The following CFAP299 variants were observed in gnomAD, a reference collection of about 807,000 sequenced individuals.
The protein encoded by CFAP299 is cilia- and flagella-associated protein 299.
Under a neutral mutation model 27.0 loss-of-function variants are expected in CFAP299, and 21 were observed. The ratio of observed to expected loss-of-function variants is 0.78; its 90% CI spans 0.55 to 1.12. The LOEUF (loss-of-function observed/expected upper bound fraction) is 1.12, where lower values mean the gene tolerates loss of function less well. CFAP299 is among the 50% of genes most tolerant of loss of function. The probability of loss-of-function intolerance (pLI) is 0.00; values close to 1 mark genes in which losing one functional copy is unlikely to be tolerated. For synonymous variants in CFAP299, 104 were observed against 98.1 expected, an observed-to-expected ratio of 1.06 and a Z score of -0.36; for missense variants, 310 against 276.6, an observed-to-expected ratio of 1.12 and a Z score of -0.86.
intron 4 of CFAP299, among the ~76,000 whole-genome samples, chr4:80,942,150 T>C (rs1266022287): frequency 3.3e-5 from 5 of 152,218 alleles, no homozygotes; most frequent in Non-Finnish European, 5.9e-5. Context: ...GCGGCTACAC[T>C]GCAAGAGAGA....
At chr4:80,651,468 T>G (rs1366203659) in intron 3 of CFAP299, among the ~76,000 whole-genome samples, 3 of 151,300 alleles carry the variant, frequency 2.0e-5, no homozygotes, top group Non-Finnish European at 2.9e-5. Flanking sequence ...TGGGTTTAAG[T>G]GATCCTCCCA....
chr4:80,410,452 T>A (rs1726665515), intron 2 of CFAP299, among the ~76,000 whole-genome samples: 1 of 152,096 alleles, frequency 6.6e-6, no homozygotes, highest in South Asian at 2.1e-4. Context: ...TAGAAGATAG[T>A]CAATTGGGAC....
intron 2 of CFAP299, among the ~76,000 whole-genome samples, chr4:80,421,114 G>T (rs1331802444): frequency 6.6e-6 from 1 of 152,064 alleles, no homozygotes; most frequent in African/African-American, 2.4e-5. Context: ...TAGCCCAGCT[G>T]AAACACTTCA....
At chr4:80,387,977 T>C in intron 2 of CFAP299, 1 of 740,386 alleles carries the variant, frequency 1.4e-6, no homozygotes, top group Non-Finnish European at 2.4e-6. Context: ...GGGGGTGGGG[T>C]ATACTGGAGC....
In CFAP299 at chr4:80,739,753, C is replaced by T. The variant is rs576340040; in HGVS notation, c.334-130240C>T. 1.3e-3 allele frequency among the ~76,000 whole-genome samples: 194 copies of T among 151,650 alleles called. 1 individual carries two copies. Among genetic ancestry groups the T allele is most frequent in the Middle Eastern group, 3.4e-3 (1 of 294 alleles). On this transcript the variant is annotated intron_variant, in intron 3 of 5. Coordinates refer to ENST00000358105, the MANE Select transcript of CFAP299 (RefSeq NM_152770.3). ...TAGGTTAGAGAAGTTCTCTGTTATC[C>T]TTTAAAAAAAAACTTTCTACCCCTA... is the stretch of plus-strand genomic sequence containing the variant.
chr4:80,563,925 T>G (rs1020434489), intron 2 of CFAP299, among the ~76,000 whole-genome samples: 1 of 151,528 alleles, frequency 6.6e-6, no homozygotes, highest in African/African-American at 2.4e-5. Flanking sequence ...CAACTATGAG[T>G]TGGAAAATCT....
At chr4:80,597,333 A>G (rs928689137) in intron 3 of CFAP299, among the ~76,000 whole-genome samples, 19 of 152,146 alleles carry the variant, frequency 1.2e-4, no homozygotes, top group Non-Finnish European at 1.8e-4. Flanking sequence ...AGGGTCATCC[A>G]TGTGTTTATT....
chr4:80,513,912 C>CCTTA (rs1384998101), intron 2 of CFAP299, among the ~76,000 whole-genome samples: 8 of 151,850 alleles, frequency 5.3e-5, no homozygotes, highest in Admixed American at 3.9e-4. Flanking sequence ...AAGTGAGAGA[C>CCTTA]CTTAACCCAT....
chr4:80,901,270 C>G (rs1412800317), intron 4 of CFAP299, among the ~76,000 whole-genome samples: 1 of 152,148 alleles, frequency 6.6e-6, no homozygotes, highest in Non-Finnish European at 1.5e-5. Flanking sequence ...TGTGCACATA[C>G]ACCTATTACA....
At chr4:80,559,497 C>T (rs957092355) in intron 2 of CFAP299, among the ~76,000 whole-genome samples, 17 of 152,114 alleles carry the variant, frequency 1.1e-4, no homozygotes, top group African/African-American at 3.6e-4. Context: ...AGAAAAAAAG[C>T]GCCTGTGTAA....
At chr4:80,493,279 G>T (rs1190489699) in intron 2 of CFAP299, among the ~76,000 whole-genome samples, 1 of 152,150 alleles carries the variant, frequency 6.6e-6, no homozygotes. Flanking sequence ...CTGTAGAAGG[G>T]TGCACACTCA....
At chr4:80,543,593 C>T (rs145241925) in intron 2 of CFAP299, among the ~76,000 whole-genome samples, 11 of 152,264 alleles carry the variant, frequency 7.2e-5, no homozygotes, top group East Asian at 1.9e-4. Flanking sequence ...ACCAAACCGA[C>T]GAAAGAATCT....
intron 2 of CFAP299, among the ~76,000 whole-genome samples, chr4:80,530,475 G>GCTTTTCAT (rs1299213383): frequency 6.6e-6 from 1 of 151,906 alleles, no homozygotes; most frequent in East Asian, 1.9e-4. Context: ...TAACTGTAAG[G>GCTTTTCAT]CTTTTCATCT....
At chr4:80,800,405 ATT>A (rs1491368653) in intron 3 of CFAP299, among the ~76,000 whole-genome samples, 4 of 62,192 alleles carry the variant, frequency 6.4e-5, no homozygotes, top group South Asian at 5.5e-4. Flanking sequence ...TATAATATAT[ATT>A]GATATATTAA....
chr4:80,525,244 C>T (rs559599941), intron 2 of CFAP299, among the ~76,000 whole-genome samples: 10 of 152,244 alleles, frequency 6.6e-5, no homozygotes, highest in Admixed American at 2.0e-4. Context: ...TACCTGCACT[C>T]AAGGGAAGAG....
At chr4:80,425,267 G>T (rs1006194079) in intron 2 of CFAP299, among the ~76,000 whole-genome samples, 7 of 152,020 alleles carry the variant, frequency 4.6e-5, no homozygotes, top group African/African-American at 1.7e-4. Context: ...CTTTCACATG[G>T]TATTTTTTTC....
chr4:80,382,450 G>A (rs1250598441), intron 2 of CFAP299, among the ~76,000 whole-genome samples: 2 of 152,070 alleles, frequency 1.3e-5, no homozygotes, highest in African/African-American at 4.8e-5. Flanking sequence ...TCTGACAAAG[G>A]TCTACTACCC....
intron 3 of CFAP299, among the ~76,000 whole-genome samples, chr4:80,722,772 C>T (rs1474771426): frequency 6.6e-6 from 1 of 151,624 alleles, no homozygotes; most frequent in Non-Finnish European, 1.5e-5. Context: ...AGGTAGCGGG[C>T]GCCTGTAGTC....
intron 3 of CFAP299, among the ~76,000 whole-genome samples, chr4:80,732,756 C>T (rs1723613448): frequency 6.6e-6 from 1 of 152,056 alleles, no homozygotes; most frequent in Non-Finnish European, 1.5e-5. Context: ...GGCTCATTCC[C>T]CTATATGTTC....
Sources: gnomAD v4.1 joint callset for allele counts (sites outside exome capture counted in the v4.1 genomes callset) on GRCh38, gnomAD v4.1.1 for gene constraint, MANE v1.5 for transcripts, NCBI Gene and HGNC (gene_info 2026-07-23, HGNC 2026-07-21) for gene names.